Variants in COL14A1 observed in about 807,000 individuals in gnomAD.
COL14A1 encodes the protein collagen type XIV alpha 1 chain, also known as collagen alpha-1(XIV) chain.
Under a neutral mutation model 230.3 loss-of-function variants are expected in COL14A1, and 136 were observed. The observed-to-expected ratio is 0.59, with a 90% CI of 0.51 to 0.68. The LOEUF is 0.68. Ranked by LOEUF, COL14A1 falls within the 30% of genes least tolerant of loss-of-function variation. The pLI, the probability that COL14A1 is intolerant of heterozygous loss-of-function variation, is 0.00. For synonymous variants in COL14A1, 792 were observed against 784.1 expected (o/e 1.01, Z -0.17); for missense variants, 1,976 against 2,215.8 (o/e 0.89, Z 2.17).
At chr8:120,294,569 C>A (rs532911413) in intron 34 of COL14A1, among the ~76,000 whole-genome samples, 37 of 112,284 alleles carry the variant, frequency 3.3e-4, no homozygotes, top group African/African-American at 1.2e-3. Flanking sequence ...CACTATCTTG[C>A]ATTTTAAGGT....
At chr8:120,166,074 T>C (rs1815860847) in intron 4 of COL14A1, among the ~76,000 whole-genome samples, 1 of 152,152 alleles carries the variant, frequency 6.6e-6, no homozygotes, top group South Asian at 2.1e-4. Flanking sequence ...AGGTGGGCTG[T>C]GTGCAGCTCT....
intron 45 of COL14A1, among the ~76,000 whole-genome samples, chr8:120,363,726 T>C (rs1176281954): frequency 1.3e-5 from 2 of 152,160 alleles, no homozygotes; most frequent in Non-Finnish European, 2.9e-5. Flanking sequence ...GCTCCAGCAG[T>C]CAAGAGGCCT....
At chr8:120,143,275 A>C (rs958364696) in intron 1 of COL14A1, among the ~76,000 whole-genome samples, 7 of 152,212 alleles carry the variant, frequency 4.6e-5, no homozygotes, top group African/African-American at 1.4e-4. Flanking sequence ...AGTATCTCTC[A>C]AAAGAACAGC....
At chr8:120,201,758 C>T (rs1817256231) in intron 8 of COL14A1, among the ~76,000 whole-genome samples, 1 of 152,172 alleles carries the variant, frequency 6.6e-6, no homozygotes, top group South Asian at 2.1e-4. Flanking sequence ...AGCTTACATA[C>T]TATGTGCCAG....
At chr8:120,327,118 T>C (rs530702013) in intron 40 of COL14A1, among the ~76,000 whole-genome samples, 76 of 152,304 alleles carry the variant, frequency 5.0e-4, no homozygotes, top group African/African-American at 1.8e-3. Context: ...AAGTGTTTAG[T>C]TGTTTATGAC....
chr8:120,325,555 C>T (rs955685126), intron 40 of COL14A1, among the ~76,000 whole-genome samples: 17 of 152,224 alleles, frequency 1.1e-4, no homozygotes, highest in South Asian at 8.3e-4. Flanking sequence ...TGCAGTGGTG[C>T]GATCTTGGCT....
At position 120,300,738 on chromosome 8, in the gene COL14A1, G is replaced by A. The variant is rs548846801; in HGVS notation, c.4321G>A (p.Asp1441Asn). 1 of 1,612,836 alleles carries A rather than the reference G, an allele frequency of 6.2e-7. No individual in the cohort carries two copies. Among genetic ancestry groups the A allele is most frequent in the Non-Finnish European group, 8.5e-7 (1 of 1,179,290 alleles). ...TTTTTTTGTTTCTTTTCAGAGAGATGATGAGTCTTGCCCAGACCTTCCCCA... is the reference window on the plus strand; with the variant it reads ...TTTTTTTGTTTCTTTTCAGAGAGATAATGAGTCTTGCCCAGACCTTCCCCA... ...KCCELPGLRD[D>N]ESCPDLPHSC... Residue 1441 changes from aspartate (D) to asparagine (N), a missense_variant, in exon 36 of 48, where the codon GAT becomes AAT. Coordinates refer to ENST00000297848, the MANE Select transcript of COL14A1 (RefSeq NM_021110.4).
Position 120,167,834 on chromosome 8 carries a change from G to A in COL14A1, c.350-327G>A, listed in dbSNP as rs867669263. ...AACTGGTTTTATGAGATAGGTGTTAGCTTTCTGGTTCTTCATTCCCTCATG... is the reference window on the plus strand; with the variant it reads ...AACTGGTTTTATGAGATAGGTGTTAACTTTCTGGTTCTTCATTCCCTCATG... On this transcript the variant is annotated intron_variant, in intron 4 of 47. Transcript: ENST00000297848. Among the ~76,000 whole-genome samples the A allele has an allele frequency of 4.6e-5, 7 of 152,272 alleles. 1 individual carries two copies. The South Asian group carries it at 1.5e-3, about 32-fold the overall frequency.
chr8:120,228,912 C>T, intron 18 of COL14A1, 143 bp downstream of exon 18: 1 of 656,764 alleles, frequency 1.5e-6, no homozygotes, highest in Non-Finnish European at 2.6e-6. Context: ...AATTTCACGC[C>T]TCTCAGAGCC....
intron 1 of COL14A1, among the ~76,000 whole-genome samples, chr8:120,141,864 T>C (rs1345553262): frequency 1.3e-5 from 2 of 152,150 alleles, no homozygotes; most frequent in African/African-American, 2.4e-5. Context: ...ATTAAAACAG[T>C]ATTATGGGTA....
intron 8 of COL14A1, among the ~76,000 whole-genome samples, chr8:120,201,908 G>C (rs936379778): frequency 4.9e-5 from 7 of 143,440 alleles, no homozygotes; most frequent in African/African-American, 1.8e-4. Flanking sequence ...GAAGGTGAGG[G>C]AGAAGCAAAA....
chr8:120,253,360 A>G (rs549542637), intron 22 of COL14A1, among the ~76,000 whole-genome samples: 1 of 151,654 alleles, frequency 6.6e-6, no homozygotes, highest in East Asian at 1.9e-4. Flanking sequence ...GTCTTTTTCC[A>G]TCCTCTTTTC....
Position 120,281,014 on chromosome 8 carries a change from C to A in COL14A1, c.3779C>A (p.Pro1260Gln). Residue 1260 changes from proline (P) to glutamine (Q), a missense_variant, in exon 31 of 48, where the codon CCA (proline) becomes CAA (glutamine). Pro to Gln is a moderately conservative substitution (Grantham distance 76, BLOSUM62 -1). Coordinates refer to ENST00000297848, the MANE Select transcript of COL14A1 (RefSeq NM_021110.4). ...GAGCCTGGTACCTTCAATGTGTTTC[C>A]ATGTTACCAACTCCATAAAGATGCC... ...SMEPGTFNVF[P>Q]CYQLHKDALV... 6.2e-7 allele frequency: 1 copy of A among 1,612,290 alleles called. No individual in the cohort carries two copies. Among genetic ancestry groups the A allele is most frequent in the Admixed American group, 1.7e-5 (1 of 59,826 alleles).
chr8:120,178,072 GTTTT>G (rs532259702), intron 5 of COL14A1, among the ~76,000 whole-genome samples: 1 of 150,168 alleles, frequency 6.7e-6, no homozygotes, highest in East Asian at 1.9e-4. Flanking sequence ...AATAAAACCT[GTTTT>G]TTTTTTTGTT....
intron 19 of COL14A1, among the ~76,000 whole-genome samples, chr8:120,234,728 A>G (rs1234357721): frequency 2.0e-5 from 3 of 152,212 alleles, no homozygotes; most frequent in Non-Finnish European, 4.4e-5. Context: ...TATTTTATTG[A>G]GGATTTTCGC....
chr8:120,323,748 A>G (rs1345777174), intron 40 of COL14A1, among the ~76,000 whole-genome samples: 1 of 151,988 alleles, frequency 6.6e-6, no homozygotes, highest in East Asian at 1.9e-4. Flanking sequence ...CTTATTTCTG[A>G]GTTCTCTCTT....
intron 5 of COL14A1, among the ~76,000 whole-genome samples, chr8:120,176,070 T>C (rs918114981): frequency 2.6e-5 from 4 of 152,224 alleles, no homozygotes; most frequent in Admixed American, 6.5e-5. Context: ...ATATAGCACT[T>C]ACTACATGCG....
At chr8:120,195,246 A>AT (rs201833058) in intron 5 of COL14A1, among the ~76,000 whole-genome samples, 4,128 of 151,498 alleles carry the variant, frequency 0.027, 67 homozygotes, top group Non-Finnish European at 0.041. Context: ...TAGTTCAACT[A>AT]TTTTTTTTTA....
At chr8:120,188,030 GT>G (rs1816698565) in intron 5 of COL14A1, among the ~76,000 whole-genome samples, 1 of 151,852 alleles carries the variant, frequency 6.6e-6, no homozygotes, top group South Asian at 2.1e-4. Flanking sequence ...AATGGTACCT[GT>G]TCCATAGAGT....
Sources: gnomAD v4.1 joint callset for allele counts (sites outside exome capture counted in the v4.1 genomes callset) on GRCh38, gnomAD v4.1.1 for gene constraint, MANE v1.5 for transcripts, NCBI Gene and HGNC (gene_info 2026-07-23, HGNC 2026-07-21) for gene names.